INTS3: variants seen among roughly 807,000 people sequenced by gnomAD.
INTS3 encodes the protein SOSS complex subunit A.
In INTS3, 34 loss-of-function variants were observed where a neutral mutation model predicts 146.3. That is an observed-to-expected ratio of 0.23 (90% CI 0.18 to 0.31). The LOEUF is 0.31. Among genes scored for constraint, INTS3 ranks in the 10% least tolerant of loss-of-function variants. The pLI is 1.00. For missense variants in INTS3, 757 were observed against 1,304.2 expected, an observed-to-expected ratio of 0.58 and a Z score of 6.46; for synonymous variants, 475 against 494.9, an observed-to-expected ratio of 0.96 and a Z score of 0.53.
rs1671846906 is a variant in INTS3, at chr1:153,748,771, A to T, written c.584+16A>T. 4.4e-6 allele frequency: 7 copies of T among 1,604,576 alleles called. No individual in the cohort carries two copies. The East Asian group carries it at 1.6e-4, about 36-fold the overall frequency. ...CAGAGCAAAGGTAGCATCCACCACGAAGGGTGGGGTACAGGCCAGATAATG... is the reference window on the plus strand; with the variant it reads ...CAGAGCAAAGGTAGCATCCACCACGTAGGGTGGGGTACAGGCCAGATAATG... On this transcript the variant is annotated intron_variant, in intron 6 of 29. Coordinates refer to ENST00000318967, the MANE Select transcript of INTS3 (RefSeq NM_023015.5).
intron 5 of INTS3, chr1:153,748,460 G>A: frequency 3.4e-6 from 2 of 580,184 alleles, no homozygotes; most frequent in South Asian, 3.9e-5. Context: ...CTGTGGGAAA[G>A]TAGCAGCTCT....
intron 1 of INTS3, among the ~76,000 whole-genome samples, chr1:153,729,506 C>T (rs955206954): frequency 1.3e-5 from 2 of 152,196 alleles, no homozygotes; most frequent in Non-Finnish European, 2.9e-5. Flanking sequence ...CCAGCTTTCT[C>T]ATTCTGCCAT....
intron 3 of INTS3, 54 bp downstream of exon 3, chr1:153,741,422 T>C (rs1206201096): frequency 1.5e-6 from 2 of 1,293,554 alleles, no homozygotes; most frequent in Non-Finnish European, 2.3e-6. Flanking sequence ...ATCTGGGATA[T>C]GGTGGAACTT....
chr1:153,739,161 T>C (rs1247000363), intron 1 of INTS3, among the ~76,000 whole-genome samples: 2 of 152,198 alleles, frequency 1.3e-5, no homozygotes, highest in African/African-American at 4.8e-5. Context: ...CCTGCCGGGT[T>C]CAAGTGATTC....
Position 153,761,059 on chromosome 1 carries a change from A to G in INTS3, c.1409+141A>G, listed in dbSNP as rs927571680. The stretch of plus-strand genomic sequence containing the variant: ...GGCTCTACCTCAGACTGCTGGGCAT[A>G]TGTCTTCTTGGCTCTTAGAGGAATT... On this transcript the variant is annotated intron_variant, in intron 13 of 29. Coordinates refer to ENST00000318967, the MANE Select transcript of INTS3 (RefSeq NM_023015.5). The G allele has an allele frequency of 5.5e-6, 8 of 1,462,234 alleles. No individual in the cohort carries two copies. In the Admixed American group the frequency reaches 1.3e-4, roughly 24 times the overall value. The allele number at this position is 1,462,234 out of a possible 1,614,324, so 90.6% of individuals were successfully genotyped here. A position where few individuals can be genotyped will look rare whatever the true frequency, so the allele number is the denominator to read the frequency against.
chr1:153,769,900 C>A, intron 23 of INTS3, 56 bp downstream of exon 23: 3 of 1,252,656 alleles, frequency 2.4e-6, no homozygotes, highest in Non-Finnish European at 3.5e-6. Context: ...GGGTGTCAGT[C>A]CTGTGTATTT....
Position 153,758,000 on chromosome 1 carries a change from C to A in INTS3, c.1149+237C>A, listed in dbSNP as rs1447500571. Among the ~76,000 whole-genome samples, 1 of 152,130 alleles carries A rather than the reference C, an allele frequency of 6.6e-6. No individual in the cohort carries two copies. The highest frequency in any genetic ancestry group is 1.5e-5 in the Non-Finnish European group (1 of 68,020). Reference sequence around the variant, plus strand: ...CATCTCCCCCATTACTGCCAACCCCCAAAAGCCTGGGTTTCTGGAGCGTCC... The same window carrying A: ...CATCTCCCCCATTACTGCCAACCCCAAAAAGCCTGGGTTTCTGGAGCGTCC... On this transcript the variant is annotated intron_variant, in intron 10 of 29. Coordinates refer to ENST00000318967, the MANE Select transcript of INTS3 (RefSeq NM_023015.5). This position sits in a 1 kb window ranked among gnomAD's most constrained non-coding sequence, Gnocchi z 4.0.
intron 1 of INTS3, among the ~76,000 whole-genome samples, chr1:153,739,189 G>A (rs189122720): frequency 1.9e-3 from 294 of 152,210 alleles, no homozygotes; most frequent in African/African-American, 6.5e-3. Flanking sequence ...TCAGGCTCTC[G>A]AGTAGCTGGG....
At chr1:153,746,589 G>T (rs970109828) in intron 3 of INTS3, among the ~76,000 whole-genome samples, 1 of 152,202 alleles carries the variant, frequency 6.6e-6, no homozygotes, top group Non-Finnish European at 1.5e-5. Flanking sequence ...TTTTAGTAGA[G>T]ACGGGGTTTC....
chr1:153,765,416 C>G (rs774918572), intron 20 of INTS3, among the ~76,000 whole-genome samples: 1 of 152,044 alleles, frequency 6.6e-6, no homozygotes, highest in Non-Finnish European at 1.5e-5. Context: ...GTCTCAAACT[C>G]CTGGGCTCAA....
rs375251929 is a variant in INTS3 at position 153,741,282 on chromosome 1, C to T, written c.235-3C>T. 9 of 1,611,888 alleles carry T rather than the reference C, an allele frequency of 5.6e-6. No homozygotes were observed. Among genetic ancestry groups the T allele is most frequent in the Non-Finnish European group, 7.6e-6 (9 of 1,178,020 alleles). On this transcript the variant is annotated splice_polypyrimidine_tract_variant and splice_region_variant and intron_variant, in intron 2 of 29. Transcript: ENST00000318967. The stretch of plus-strand genomic sequence containing the variant: ...TAGTTTGTTTTCCTTTCTCACATTC[C>T]AGGTGTGCAAAGGCCTCCCCCAGCA...
In INTS3 at chr1:153,757,680, GTAGTC is replaced by G; in HGVS notation, c.1067_1071del (p.Val356AlafsTer4). ...TGACCTCATTCGCTACATCTGTGGG[GTAGTC>G]CACCCTTCTAATGAAGTACTGAGTT... is the stretch of plus-strand genomic sequence containing the variant. On this transcript the variant is annotated frameshift_variant, in exon 10 of 30. Transcript: ENST00000318967. LOFTEE classifies it high-confidence loss of function. The surrounding 1 kb of genome is among the most constrained non-coding windows in gnomAD (Gnocchi z 4.0). 1 of 1,614,162 alleles carries G rather than the reference GTAGTC, an allele frequency of 6.2e-7. No individual in the cohort carries two copies. Among genetic ancestry groups the G allele is most frequent in the Non-Finnish European group, 8.5e-7 (1 of 1,180,010 alleles).
intron 6 of INTS3, among the ~76,000 whole-genome samples, chr1:153,750,583 C>T (rs961944866): frequency 6.6e-6 from 1 of 152,156 alleles, no homozygotes; most frequent in East Asian, 1.9e-4. Context: ...TGAGCTAGCA[C>T]AGTATGTTCT....
chr1:153,752,493 T>C, intron 8 of INTS3, 85 bp downstream of exon 8: 1 of 1,412,862 alleles, frequency 7.1e-7, no homozygotes, highest in Non-Finnish European at 9.7e-7. Flanking sequence ...TAGAGGTTGG[T>C]GGGTAGGAGA....
chr1:153,729,894 C>A (rs959597789), intron 1 of INTS3, among the ~76,000 whole-genome samples: 12 of 150,300 alleles, frequency 8.0e-5, no homozygotes, highest in Non-Finnish European at 1.8e-4. Context: ...AATATGAGAT[C>A]CAGAGCTGAG....
At chr1:153,730,413 G>T (rs1251350145) in intron 1 of INTS3, among the ~76,000 whole-genome samples, 1 of 152,152 alleles carries the variant, frequency 6.6e-6, no homozygotes, top group Non-Finnish European at 1.5e-5. Context: ...CTTGATCCCT[G>T]TGTACTAACA....
intron 9 of INTS3, among the ~76,000 whole-genome samples, chr1:153,755,900 C>A (rs1383378938): frequency 1.3e-5 from 2 of 152,050 alleles, no homozygotes; most frequent in East Asian, 3.9e-4. Flanking sequence ...TTTCGCTGGG[C>A]GTGGTGGCAC....
chr1:153,730,643 C>T (rs1671027410), intron 1 of INTS3, among the ~76,000 whole-genome samples: 1 of 152,076 alleles, frequency 6.6e-6, no homozygotes, highest in Admixed American at 6.6e-5. Context: ...CAGGAGGGGA[C>T]CATCGAAGAG....
rs1456752960 is a variant in INTS3 at position 153,771,800 on chromosome 1, A to G, written c.2557A>G (p.Ser853Gly). The change falls in exon 26 of 30, where the codon AGC becomes GGC. Residue 853 changes from serine to glycine, a missense_variant. Ser to Gly is a moderately conservative substitution (Grantham distance 56). Coordinates refer to ENST00000318967, the MANE Select transcript of INTS3 (RefSeq NM_023015.5). Reference protein sequence around the residue: ...LLLQLRREKPSEEMVKMVLSR... With the variant: ...LLLQLRREKPGEEMVKMVLSR... ...AGTGCCCCCTTCCTCCCCCAGGCCC[A>G]GCGAGGAGATGGTGAAGATGGTGCT... 1 of 1,611,252 alleles carries G rather than the reference A, an allele frequency of 6.2e-7. No homozygotes were observed.
Sources: allele counts gnomAD v4.1 joint callset (sites outside exome capture counted in the v4.1 genomes callset), GRCh38; gene constraint gnomAD v4.1.1; non-coding constraint Gnocchi (gnomAD v3.1); transcripts MANE v1.5; gene names NCBI Gene and HGNC (gene_info 2026-07-23, HGNC 2026-07-21).